Variants in RNF213 observed in about 807,000 individuals in gnomAD.
RNF213 encodes the protein E3 ubiquitin-protein ligase RNF213.
RNF213 carries 341 observed loss-of-function variants against 514.4 expected under a neutral mutation model. The observed-to-expected ratio is 0.66, with a 90% CI of 0.61 to 0.73. The LOEUF (loss-of-function observed/expected upper bound fraction) is 0.73. Ranked by LOEUF, RNF213 falls within the 30% of genes least tolerant of loss-of-function variation. The probability of loss-of-function intolerance (pLI) is 0.00; values close to 1 mark genes in which losing one functional copy is unlikely to be tolerated. For missense variants in RNF213, 5,767 were observed against 6,615.6 expected (o/e 0.87, Z 4.45); for synonymous variants, 2,655 against 2,658.2 (o/e 1.00, Z 0.04).
rs2080582544 is a variant in RNF213, at chr17:80,393,880, TC to T, written c.*383del. The T allele has an allele frequency of 8.3e-6, 2 of 240,388 alleles. No homozygotes were observed. The highest frequency in any genetic ancestry group is 1.1e-4 in the South Asian group (2 of 18,472). 14.9% of individuals were successfully genotyped at this position (240,388 alleles called of 1,614,324 possible). A position where few individuals can be genotyped will look rare whatever the true frequency, so the allele number is the denominator to read the frequency against. On this transcript the variant is annotated 3_prime_UTR_variant, in exon 68 of 68. Transcript: ENST00000582970. ...CACTGCCCACCCCTCTTTTTTTTTT[TC>T]TTCTAATTCTGTACTCACAAAAGAG...
At chr17:80,270,343 T>C (rs2043778678) in intron 2 of RNF213, among the ~76,000 whole-genome samples, 1 of 152,234 alleles carries the variant, frequency 6.6e-6, no homozygotes, top group Non-Finnish European at 1.5e-5. Flanking sequence ...CCTTGCCCTC[T>C]GAGCCAGGCT....
intron 40 of RNF213, 146 bp downstream of exon 40, chr17:80,363,460 A>G: frequency 8.4e-7 from 1 of 1,196,776 alleles, no homozygotes; most frequent in Non-Finnish European, 1.2e-6. Flanking sequence ...TGTTAAGGAC[A>G]CATCTCGCTG....
At chr17:80,296,001 T>C (rs117729174) in intron 10 of RNF213, among the ~76,000 whole-genome samples, 188 bp downstream of exon 10, 2,336 of 152,252 alleles carry the variant, frequency 0.015, 27 homozygotes, top group Non-Finnish European at 0.021. Flanking sequence ...TATTATATTC[T>C]GTCCTCTGTT....
Position 80,383,727 on chromosome 17 carries a change from G to A in RNF213, c.14121G>A (p.Lys4707=), listed in dbSNP as rs748206837. The A allele has an allele frequency of 6.2e-7, 1 of 1,613,830 alleles. No individual in the cohort carries two copies. Among genetic ancestry groups the A allele is most frequent in the Non-Finnish European group, 8.5e-7 (1 of 1,179,952 alleles). ...TGAATAATCTCATCAGCCAAGATAA[G>A]CGTATCAGCTCTAACCCTGTGGCCA... The part of the protein sequence containing the change: ...PTMNNLISQD[K]RISSNPVAKI... The change falls in exon 59 of 68, where the codon AAG becomes AAA. Residue 4707 remains lysine (K), a synonymous_variant. Transcript: ENST00000582970.
At chr17:80,374,889 C>T (rs534439111) in intron 50 of RNF213, 2 of 408,230 alleles carry the variant, frequency 4.9e-6, no homozygotes, top group African/African-American at 2.0e-5. Context: ...TCCTTTGAGA[C>T]CCTGCTGGAA....
rs375980334 is a variant in RNF213 at position 80,347,940 on chromosome 17, A to C, written c.9605A>C (p.Lys3202Thr). Residue 3202 changes from lysine (K) to threonine (T), a missense_variant, in exon 29 of 68, where the codon AAA becomes ACA. Transcript: ENST00000582970. This position sits in a 1 kb window ranked among gnomAD's most constrained non-coding sequence, Gnocchi z 7.2. ...TGGGTGGAGAAGTTCATCAATGTCA[A>C]AGCACATCATTTCCAGAAGAGGCAC... ...CAWVEKFINVKAHHFQKRHKY... is the reference protein window; with the variant it reads ...CAWVEKFINVTAHHFQKRHKY... 5.0e-6 allele frequency: 8 copies of C among 1,613,918 alleles called. No individual in the cohort carries two copies. Among genetic ancestry groups the C allele is most frequent in the Non-Finnish European group, 6.8e-6 (8 of 1,179,906 alleles).
At chr17:80,364,009 G>A (rs1008387977) in intron 41 of RNF213, among the ~76,000 whole-genome samples, 1 of 152,240 alleles carries the variant, frequency 6.6e-6, no homozygotes, top group Non-Finnish European at 1.5e-5. Flanking sequence ...TTCAGGGAGC[G>A]CACTGTGTAC....
chr17:80,288,425 T>C lies in RNF213; in HGVS notation c.810+62T>C. On this transcript the variant is annotated intron_variant, in intron 4 of 67. Transcript: ENST00000582970. The surrounding 1 kb of genome is among the most constrained non-coding windows in gnomAD (Gnocchi z 4.9). ...TGAGCCCTCGGCACCTGGGCTCTGC[T>C]GCAAGGTGCTGGCGTTGCTTCCCTG... 7.5e-6 allele frequency: 12 copies of C among 1,601,930 alleles called. No individual in the cohort carries two copies. The highest frequency in any genetic ancestry group is 1.0e-5 in the Non-Finnish European group (12 of 1,174,482).
rs145284893 is a variant in RNF213, at chr17:80,345,235, G to A, written c.6900G>A (p.Ser2300=). ...TCTCCCTCCGGAAGAGGTGGGAGTC[G>A]GAGCCTCACCCATACGTTTTCTTCA... is the stretch of plus-strand genomic sequence containing the variant. ...APFSLRKRWE[S]EPHPYVFFND... Residue 2300 remains serine, a synonymous_variant, in exon 29 of 68, where the codon TCG becomes TCA. Transcript: ENST00000582970. This position sits in a 1 kb window ranked among gnomAD's most constrained non-coding sequence, Gnocchi z 6.0. The A allele has an allele frequency of 2.5e-5, 41 of 1,613,904 alleles. No individual in the cohort carries two copies. Among genetic ancestry groups the A allele is most frequent in the Admixed American group, 1.8e-4 (11 of 59,986 alleles).
In RNF213 at chr17:80,353,741, A is replaced by T; in HGVS notation, c.10578+75A>T. 6.3e-7 allele frequency: 1 copy of T among 1,597,944 alleles called. No homozygotes were observed. Among genetic ancestry groups the T allele is most frequent in the South Asian group, 1.1e-5 (1 of 90,422 alleles). Reference sequence around the variant, plus strand: ...GAGCTGCATCTTTAAACGCTTTTGCATTGGGAGCTAGAGGAGTCGCCGCCG... The same window carrying T: ...GAGCTGCATCTTTAAACGCTTTTGCTTTGGGAGCTAGAGGAGTCGCCGCCG... On this transcript the variant is annotated intron_variant, in intron 34 of 67. Transcript: ENST00000582970. The surrounding 1 kb of genome is among the most constrained non-coding windows in gnomAD (Gnocchi z 5.0).
chr17:80,304,557 G>A lies in RNF213; in HGVS notation c.2211-1695G>A, dbSNP rs565291256. Among the ~76,000 whole-genome samples, 348 of 152,054 alleles carry A rather than the reference G, an allele frequency of 2.3e-3. 1 individual carries two copies. Among genetic ancestry groups the A allele is most frequent in the African/African-American group, 8.2e-3 (341 of 41,484 alleles). ...GGGGAGGCTGAGGCAGGAGAATGGC[G>A]TGAGCCTGGTAGGCAGAGCTTGCAG... On this transcript the variant is annotated intron_variant, in intron 11 of 67. Coordinates refer to ENST00000582970, the MANE Select transcript of RNF213 (RefSeq NM_001256071.3).
chr17:80,326,517 G>A (rs755282548), intron 18 of RNF213, among the ~76,000 whole-genome samples: 6 of 152,130 alleles, frequency 3.9e-5, no homozygotes, highest in Non-Finnish European at 7.4e-5. Context: ...CATTCTCTGA[G>A]GTTTGGATAA....
At chr17:80,371,224 A>G (rs529641932) in intron 46 of RNF213, among the ~76,000 whole-genome samples, 6 of 152,268 alleles carry the variant, frequency 3.9e-5, no homozygotes, top group Non-Finnish European at 8.8e-5. Context: ...CCACATTGCA[A>G]CTAACCTCTA....
chr17:80,390,310 C>G (rs2080413229), intron 67 of RNF213, 114 bp downstream of exon 67: 2 of 1,269,466 alleles, frequency 1.6e-6, no homozygotes, highest in Non-Finnish European at 2.2e-6. Context: ...CCATTTCCTG[C>G]TTTTTGTCAT....
intron 36 of RNF213, 86 bp downstream of exon 36, chr17:80,354,662 C>A: frequency 6.6e-7 from 1 of 1,505,220 alleles, no homozygotes; most frequent in East Asian, 2.3e-5. Context: ...TCCATCCGGG[C>A]CATGGGGACT....
intron 8 of RNF213, among the ~76,000 whole-genome samples, chr17:80,292,251 A>G (rs1481707213): frequency 2.6e-5 from 4 of 151,866 alleles, no homozygotes; most frequent in Non-Finnish European, 5.9e-5. Context: ...CCCCCAGCTA[A>G]CTTTTGTATT....
rs774747277 is a variant in RNF213, at chr17:80,386,287, C to G, written c.14577C>G (p.Asp4859Glu). The G allele has an allele frequency of 6.2e-7, 1 of 1,612,808 alleles. No homozygotes were observed. The highest frequency in any genetic ancestry group is 1.1e-5 in the South Asian group (1 of 91,088). ...TACCCAAAGACTACTGCAGCACTGA[C>G]TTGGATCTGGACACTGAGTTTGAGA... ...INLPKDYCST[D>E]LDLDTEFEIL... The change falls in exon 62 of 68, where the codon GAC (aspartate) becomes GAG (glutamate). Residue 4859 changes from aspartate (D) to glutamate (E), a missense_variant. Transcript: ENST00000582970.
chr17:80,318,596 C>A (rs555882303), intron 16 of RNF213, among the ~76,000 whole-genome samples: 3 of 150,954 alleles, frequency 2.0e-5, no homozygotes, highest in African/African-American at 7.3e-5. Flanking sequence ...TTTTTTGAGA[C>A]GGGGTCTCGC....
At chr17:80,265,565 A>T (rs1348593195) in intron 2 of RNF213, among the ~76,000 whole-genome samples, 1 of 152,214 alleles carries the variant, frequency 6.6e-6, no homozygotes, top group Non-Finnish European at 1.5e-5. Flanking sequence ...TCACTGAGAA[A>T]GTGGTGAAAA....
Sources: allele counts gnomAD v4.1 joint callset (sites outside exome capture counted in the v4.1 genomes callset), GRCh38; gene constraint gnomAD v4.1.1; non-coding constraint Gnocchi (gnomAD v3.1); transcripts MANE v1.5; gene names NCBI Gene and HGNC (gene_info 2026-07-23, HGNC 2026-07-21).